The following UGGT2 variants were observed in gnomAD, a reference collection of about 807,000 sequenced individuals.
The protein encoded by UGGT2 is UDP-glucose:glycoprotein glucosyltransferase 2.
Under a neutral mutation model 192.1 loss-of-function variants are expected in UGGT2, and 180 were observed. That is an observed-to-expected ratio of 0.94 (90% CI 0.83 to 1.06). The LOEUF is 1.06. Ranked by LOEUF, UGGT2 falls within the 50% of genes least tolerant of loss-of-function variation. The pLI is 0.00. For missense variants in UGGT2, 1,849 were observed against 1,795.7 expected (o/e 1.03, Z -0.54); for synonymous variants, 580 against 591.0 (o/e 0.98, Z 0.27).
chr13:95,985,062 C>T (rs941170932), intron 9 of UGGT2: 1 of 184,720 alleles, frequency 5.4e-6, no homozygotes, highest in Non-Finnish European at 1.1e-5. Flanking sequence ...TACAGATTAA[C>T]AGCAGAGTTT....
At chr13:96,010,892 G>A (rs1415162356) in intron 5 of UGGT2, among the ~76,000 whole-genome samples, 1 of 152,184 alleles carries the variant, frequency 6.6e-6, no homozygotes, top group African/African-American at 2.4e-5. Flanking sequence ...AAGTAATCAA[G>A]CAGTGTAGTA....
At position 95,801,696 on chromosome 13, in the gene UGGT2, G is replaced by T; in HGVS notation, c.*94C>A. On this transcript the variant is annotated 3_prime_UTR_variant, in exon 39 of 39. Transcript: ENST00000376747. ...AAGAATATGTCACTGATCTTAACGA[G>T]ACTTCCAAATCGTCTCAGCAGGGGC... The T allele has an allele frequency of 7.7e-7, 1 of 1,290,840 alleles. No individual in the cohort carries two copies. Among genetic ancestry groups the T allele is most frequent in the South Asian group, 1.3e-5 (1 of 75,524 alleles). The allele number at this position is 1,290,840 out of a possible 1,614,324, so 80.0% of individuals were successfully genotyped here.
chr13:95,920,615 A>C (rs1347620408), intron 20 of UGGT2, among the ~76,000 whole-genome samples: 1 of 152,256 alleles, frequency 6.6e-6, no homozygotes, highest in East Asian at 1.9e-4. Context: ...ATCATTAAAG[A>C]AATGCAAATC....
At chr13:95,875,128 T>A (rs976364587) in intron 29 of UGGT2, among the ~76,000 whole-genome samples, 1 of 152,242 alleles carries the variant, frequency 6.6e-6, no homozygotes, top group Non-Finnish European at 1.5e-5. Flanking sequence ...ATTCTTTTTA[T>A]AAAGTTAGTC....
intron 38 of UGGT2, among the ~76,000 whole-genome samples, chr13:95,826,827 A>G (rs1238109319): frequency 6.6e-6 from 1 of 151,938 alleles, no homozygotes; most frequent in Non-Finnish European, 1.5e-5. Flanking sequence ...AACACAGAAA[A>G]TTTTCTGAAA....
Position 95,949,385 on chromosome 13 carries a change from G to A in UGGT2, c.1405C>T (p.Pro469Ser). The A allele has an allele frequency of 6.3e-7, 1 of 1,582,332 alleles. No homozygotes were observed. Among genetic ancestry groups the A allele is most frequent in the Non-Finnish European group, 8.6e-7 (1 of 1,162,936 alleles). Residue 469 changes from proline to serine, a missense_variant, in exon 13 of 39, where the codon CCA becomes TCA. Transcript: ENST00000376747. ...GAAGGTACACTTCCAGGAAATACTG[G>A]CTTCAGAAGTTTCTGGCAACTTGTA... ...WPTSCQKLLKPVFPGSVPSIR... is the reference protein window; with the variant it reads ...WPTSCQKLLKSVFPGSVPSIR...
At chr13:95,841,290 T>G (rs1887832429) in intron 36 of UGGT2, among the ~76,000 whole-genome samples, 1 of 152,118 alleles carries the variant, frequency 6.6e-6, no homozygotes, top group African/African-American at 2.4e-5. Flanking sequence ...ACTTTGTAAA[T>G]TGGTTATTTT....
chr13:95,904,200 C>T (rs2048200925), intron 20 of UGGT2, among the ~76,000 whole-genome samples: 1 of 151,844 alleles, frequency 6.6e-6, no homozygotes. Flanking sequence ...TAAAGTAGTT[C>T]CATTTATTGG....
intron 1 of UGGT2, among the ~76,000 whole-genome samples, chr13:96,052,541 A>G (rs1165208152): frequency 6.6e-6 from 1 of 152,128 alleles, no homozygotes; most frequent in African/African-American, 2.4e-5. Flanking sequence ...CTTTTTAGGG[A>G]CACACACTGT....
In UGGT2 at chr13:95,852,327, C is replaced by G. The variant is rs533565198; in HGVS notation, c.4284+1216G>C. Among the ~76,000 whole-genome samples, 25 of 152,296 alleles carry G rather than the reference C, an allele frequency of 1.6e-4. No homozygotes were observed. The East Asian group carries it at 4.8e-3, about 29-fold the overall frequency. On this transcript the variant is annotated intron_variant, in intron 36 of 38. Transcript: ENST00000376747. ...CACCTTGGGACATTTGCATCAGATA[C>G]TCTCTTTGGCCTGCATCTGTGTCAG...
intron 31 of UGGT2, among the ~76,000 whole-genome samples, chr13:95,862,794 C>T (rs1890281881): frequency 6.6e-6 from 1 of 152,202 alleles, no homozygotes; most frequent in Admixed American, 6.5e-5. Flanking sequence ...TGTTTCCACA[C>T]CACATCACCC....
intron 12 of UGGT2, among the ~76,000 whole-genome samples, chr13:95,965,857 A>G (rs2050562850): frequency 6.6e-6 from 1 of 152,182 alleles, no homozygotes; most frequent in Non-Finnish European, 1.5e-5. Flanking sequence ...ATTTTACCCC[A>G]GTTAGAATGG....
At chr13:95,816,661 A>G (rs1884928190) in intron 38 of UGGT2, among the ~76,000 whole-genome samples, 2 of 152,198 alleles carry the variant, frequency 1.3e-5, no homozygotes, top group African/African-American at 4.8e-5. Context: ...AATGTATGGC[A>G]CTGGAGGAAA....
intron 20 of UGGT2, 32 bp from the exon 21 acceptor site, chr13:95,903,092 G>A: frequency 1.9e-6 from 3 of 1,571,766 alleles, no homozygotes; most frequent in Non-Finnish European, 2.6e-6. Flanking sequence ...AAAAAGACCA[G>A]TATCATACAT....
chr13:95,993,768 A>G (rs188919730), intron 7 of UGGT2, among the ~76,000 whole-genome samples: 1 of 152,290 alleles, frequency 6.6e-6, no homozygotes, highest in African/African-American at 2.4e-5. Context: ...TCCTTCATAA[A>G]TGACTGTAAT....
intron 36 of UGGT2, among the ~76,000 whole-genome samples, chr13:95,848,156 T>A (rs1888664622): frequency 6.6e-6 from 1 of 152,344 alleles, no homozygotes; most frequent in African/African-American, 2.4e-5. Flanking sequence ...TTGGTTTGTT[T>A]TCTGATTGTT....
chr13:95,895,685 G>C (rs183156363), intron 22 of UGGT2, among the ~76,000 whole-genome samples: 24 of 151,966 alleles, frequency 1.6e-4, no homozygotes, highest in Non-Finnish European at 4.4e-5. Flanking sequence ...AATTTTGAAA[G>C]CAATGGTCTA....
intron 5 of UGGT2, among the ~76,000 whole-genome samples, chr13:96,008,777 A>T (rs1313333402): frequency 6.6e-6 from 1 of 152,252 alleles, no homozygotes; most frequent in Non-Finnish European, 1.5e-5. Context: ...GGCTGGAAGA[A>T]TCAATATTGT....
intron 12 of UGGT2, 126 bp from the exon 13 acceptor site, chr13:95,949,580 A>G (rs1408190744): frequency 1.4e-5 from 13 of 955,764 alleles, no homozygotes; most frequent in Non-Finnish European, 1.8e-5. Context: ...GATTAAATAG[A>G]GGAGCTAGTT....
Sources: allele counts gnomAD v4.1 joint callset (sites outside exome capture counted in the v4.1 genomes callset), GRCh38; gene constraint gnomAD v4.1.1; transcripts MANE v1.5; gene names NCBI Gene and HGNC (gene_info 2026-07-23, HGNC 2026-07-21).